The following FBXL17 variants were observed in gnomAD, a reference collection of about 807,000 sequenced individuals.
FBXL17 encodes the protein F-box and leucine rich repeat protein 17.
Under a neutral mutation model 66.2 loss-of-function variants are expected in FBXL17, and 22 were observed. The ratio of observed to expected loss-of-function variants is 0.33; its 90% CI spans 0.24 to 0.47. FBXL17 has a LOEUF of 0.47. Ranked by LOEUF, FBXL17 falls within the 20% of genes least tolerant of loss-of-function variation. The pLI, the probability that FBXL17 is intolerant of heterozygous loss-of-function variation, is 1.00. For synonymous variants in FBXL17, 474 were observed against 400.5 expected (o/e 1.18, Z -2.19); for missense variants, 878 against 948.2 (o/e 0.93, Z 0.97).
At chr5:107,978,569 CACTG>C (rs1368832144) in intron 7 of FBXL17, among the ~76,000 whole-genome samples, 1 of 152,096 alleles carries the variant, frequency 6.6e-6, no homozygotes, top group Non-Finnish European at 1.5e-5. Context: ...CATTTCTGGC[CACTG>C]ACTGATTCTA....
intron 4 of FBXL17, among the ~76,000 whole-genome samples, chr5:108,246,102 G>GTT (rs1396304590): frequency 6.6e-6 from 1 of 152,104 alleles, no homozygotes; most frequent in East Asian, 1.9e-4. Context: ...AAGTACAAGA[G>GTT]GTTGGACAAG....
At chr5:108,093,839 G>T in intron 6 of FBXL17, among the ~76,000 whole-genome samples, 1 of 152,242 alleles carries the variant, frequency 6.6e-6, no homozygotes, top group South Asian at 2.1e-4. Flanking sequence ...TAATGTAAAT[G>T]TATGATAATG....
chr5:108,127,454 T>A (rs953763829), intron 6 of FBXL17, among the ~76,000 whole-genome samples: 4 of 152,200 alleles, frequency 2.6e-5, no homozygotes, highest in Non-Finnish European at 5.9e-5. Flanking sequence ...CTCTTACTCA[T>A]ATAAATAAAA....
At chr5:108,077,673 A>C (rs1197689587) in intron 6 of FBXL17, among the ~76,000 whole-genome samples, 1 of 152,068 alleles carries the variant, frequency 6.6e-6, no homozygotes, top group Non-Finnish European at 1.5e-5. Context: ...AAAAAAAAAA[A>C]AAAATGAAAA....
intron 7 of FBXL17, among the ~76,000 whole-genome samples, chr5:107,968,866 A>C (rs184263172): frequency 1.3e-5 from 2 of 152,218 alleles, no homozygotes; most frequent in East Asian, 3.9e-4. Flanking sequence ...AAAGTAAGTA[A>C]ACAGAAAGGA....
intron 7 of FBXL17, among the ~76,000 whole-genome samples, chr5:107,923,124 G>A (rs940934192): frequency 6.6e-6 from 1 of 152,196 alleles, no homozygotes; most frequent in Non-Finnish European, 1.5e-5. Flanking sequence ...CAATGGGCAT[G>A]CCAGTATGTT....
At chr5:108,022,289 T>C (rs1311899342) in intron 6 of FBXL17, among the ~76,000 whole-genome samples, 2 of 151,964 alleles carry the variant, frequency 1.3e-5, no homozygotes, top group South Asian at 2.1e-4. Flanking sequence ...TTATGATTGA[T>C]ACAGGTTGTG....
At chr5:108,176,141 T>G (rs943702168) in intron 6 of FBXL17, among the ~76,000 whole-genome samples, 1 of 152,186 alleles carries the variant, frequency 6.6e-6, no homozygotes, top group African/African-American at 2.4e-5. Flanking sequence ...TTCTTCATTG[T>G]TGGCAATTTT....
intron 4 of FBXL17, among the ~76,000 whole-genome samples, chr5:108,339,407 G>A (rs1251010029): frequency 6.6e-6 from 1 of 152,070 alleles, no homozygotes; most frequent in Non-Finnish European, 1.5e-5. Flanking sequence ...TATTTGCTAA[G>A]CCTAATGACT....
At chr5:108,361,093 C>T (rs1402437400) in intron 3 of FBXL17, among the ~76,000 whole-genome samples, 2 of 152,094 alleles carry the variant, frequency 1.3e-5, no homozygotes, top group Non-Finnish European at 2.9e-5. Flanking sequence ...GTCCAGGCTT[C>T]CTCAAGAATG....
At chr5:108,017,873 C>T (rs1402505987) in intron 7 of FBXL17, among the ~76,000 whole-genome samples, 4 of 152,046 alleles carry the variant, frequency 2.6e-5, no homozygotes, top group African/African-American at 4.8e-5. Context: ...TTAGCATGAT[C>T]GTTTTCTTTA....
chr5:108,140,758 C>T (rs546811595), intron 6 of FBXL17, among the ~76,000 whole-genome samples: 1 of 152,096 alleles, frequency 6.6e-6, no homozygotes. Context: ...CAAGGATATC[C>T]CCCAAAATTC....
chr5:108,332,999 T>C (rs185743077), intron 4 of FBXL17, among the ~76,000 whole-genome samples: 1 of 145,902 alleles, frequency 6.9e-6, no homozygotes, highest in South Asian at 2.1e-4. Context: ...TGAATCTGTA[T>C]TAAGATCTTG....
intron 6 of FBXL17, among the ~76,000 whole-genome samples, chr5:108,134,380 T>C (rs933497515): frequency 6.6e-6 from 1 of 152,234 alleles, no homozygotes; most frequent in African/African-American, 2.4e-5. Context: ...GTCTGGTTTT[T>C]ACTTCTATAA....
At chr5:107,988,243 A>G (rs1371894936) in intron 7 of FBXL17, among the ~76,000 whole-genome samples, 6 of 152,044 alleles carry the variant, frequency 3.9e-5, no homozygotes, top group South Asian at 2.1e-4. Context: ...AAGTAATTCT[A>G]TATCTAAGAG....
At chr5:108,052,439 C>A (rs1457404395) in intron 6 of FBXL17, among the ~76,000 whole-genome samples, 2 of 152,064 alleles carry the variant, frequency 1.3e-5, no homozygotes, top group Non-Finnish European at 2.9e-5. Context: ...GAATGAACTC[C>A]CAATCACAAC....
intron 6 of FBXL17, among the ~76,000 whole-genome samples, chr5:108,024,441 GC>G (rs1754715892): frequency 2.0e-5 from 3 of 152,022 alleles, no homozygotes; most frequent in Admixed American, 2.0e-4. Context: ...ATTTTTTGGA[GC>G]CCTATATCAT....
chr5:108,292,190 T>TGGCTCACCGCAAGCTCCACCTC (rs1195694911), intron 4 of FBXL17, among the ~76,000 whole-genome samples: 2 of 151,908 alleles, frequency 1.3e-5, no homozygotes, highest in African/African-American at 2.4e-5. Context: ...GGCGCGATCT[T>TGGCTCACCGCAAGCTCCACCTC]GGCTCACCGC....
chr5:107,862,971 T>A (rs1748168742), intron 8 of FBXL17, among the ~76,000 whole-genome samples: 1 of 151,516 alleles, frequency 6.6e-6, no homozygotes, highest in African/African-American at 2.4e-5. Flanking sequence ...AGAGTTGATA[T>A]TTCAACATTG....
Sources: gnomAD v4.1 joint callset for allele counts (sites outside exome capture counted in the v4.1 genomes callset) on GRCh38, gnomAD v4.1.1 for gene constraint, MANE v1.5 for transcripts, NCBI Gene and HGNC (gene_info 2026-07-23, HGNC 2026-07-21) for gene names.